The following TPO variants were observed in gnomAD, a reference collection of about 807,000 sequenced individuals.
TPO encodes the protein thyroid peroxidase, also known as thyroid microsomal antigen.
A neutral mutation model predicts 96.9 loss-of-function variants in TPO; 78 were observed. The observed-to-expected ratio is 0.81, with a 90% CI of 0.67 to 0.97. The LOEUF is 0.97. Ranked by LOEUF, TPO falls within the 50% of genes least tolerant of loss-of-function variation. The pLI, the probability that TPO is intolerant of heterozygous loss-of-function variation, is 0.00. For missense variants in TPO, 1,252 were observed against 1,274.8 expected (o/e 0.98, Z 0.27); for synonymous variants, 547 against 538.0 (o/e 1.02, Z -0.23).
intron 1 of TPO, among the ~76,000 whole-genome samples, chr2:1,386,037 T>G (rs1249315069): frequency 3.3e-5 from 5 of 152,238 alleles, no homozygotes; most frequent in Admixed American, 6.5e-5. Flanking sequence ...GTGAGTTTCT[T>G]AATCCTGAGT....
At chr2:1,439,190 C>A in intron 5 of TPO, 1 of 254,054 alleles carries the variant, frequency 3.9e-6, no homozygotes, top group Admixed American at 4.9e-5. Flanking sequence ...GGGCGGGCTC[C>A]ACTGACGCTC....
intron 1 of TPO, among the ~76,000 whole-genome samples, chr2:1,389,014 G>C (rs991909435): frequency 1.3e-5 from 2 of 152,168 alleles, no homozygotes; most frequent in Admixed American, 6.5e-5. Flanking sequence ...CAATTAAGAA[G>C]TTTTTTTGTG....
intron 15 of TPO, among the ~76,000 whole-genome samples, chr2:1,538,022 A>ACCT (rs1213670214): frequency 1.9e-3 from 91 of 47,812 alleles, no homozygotes; most frequent in African/African-American, 8.2e-3. Flanking sequence ...ACTGTGTGCC[A>ACCT]CCTCAAGTCC....
intron 11 of TPO, 45 bp from the exon 12 acceptor site, chr2:1,495,944 G>A: frequency 1.9e-6 from 3 of 1,591,314 alleles, no homozygotes; most frequent in Non-Finnish European, 2.6e-6. Context: ...TGCCCTGGGG[G>A]TTCTCCATGC....
intron 1 of TPO, among the ~76,000 whole-genome samples, chr2:1,379,421 G>A (rs1661773852): frequency 6.6e-6 from 1 of 152,122 alleles, no homozygotes; most frequent in Non-Finnish European, 1.5e-5. Context: ...CAGGGCTGGA[G>A]CAATCCCTAA....
chr2:1,540,480 T>A, intron 15 of TPO, 114 bp from the exon 16 acceptor site: 1 of 1,595,392 alleles, frequency 6.3e-7, no homozygotes. Context: ...TGGGTTGGAG[T>A]GTTCCTGCCA....
chr2:1,492,860 C>T (rs1671905224), intron 10 of TPO, among the ~76,000 whole-genome samples: 1 of 152,110 alleles, frequency 6.6e-6, no homozygotes, highest in Admixed American at 6.5e-5. Context: ...CCCTGGGCGG[C>T]GCTCTGATCA....
rs200544345 is a variant in TPO at position 1,540,760 on chromosome 2, C to T, written c.2748+37C>T. ...CATGCCGCATGTTTCCAGCTGCCAC[C>T]GCAGTGGTTGGACAGGATCTGGGTG... On this transcript the variant is annotated intron_variant, in intron 16 of 16. Transcript: ENST00000329066. 156 of 1,613,212 alleles carry T rather than the reference C, an allele frequency of 9.7e-5. 1 individual carries two copies. Among genetic ancestry groups the T allele is most frequent in the East Asian group, 5.3e-4 (24 of 44,878 alleles).
rs1470584398 is a variant in TPO, at chr2:1,380,219, C to T, written n.180+5817C>T. Among the ~76,000 whole-genome samples, 3 of 151,654 alleles carry T rather than the reference C, an allele frequency of 2.0e-5. No homozygotes were observed. In the East Asian group the frequency reaches 5.8e-4, roughly 29 times the overall value. ...ACCATCCTGGCTAATACGGTGAAAC[C>T]CCGTCTCTACTAAAAATACAAAAAA... On this transcript the variant is annotated intron_variant and non_coding_transcript_variant, in intron 1 of 5. Transcript: ENST00000497517.
rs1680653724 is a variant in TPO at position 1,540,732 on chromosome 2, C to T, written c.2748+9C>T. 1 of 1,613,160 alleles carries T rather than the reference C, an allele frequency of 6.2e-7. No individual in the cohort carries two copies. Among genetic ancestry groups the T allele is most frequent in the Non-Finnish European group, 8.5e-7 (1 of 1,180,024 alleles). Reference sequence around the variant, plus strand: ...CTCAGGACTCGGAGCAGGTGGGCCACACCATGCCGCATGTTTCCAGCTGCC... The same window carrying T: ...CTCAGGACTCGGAGCAGGTGGGCCATACCATGCCGCATGTTTCCAGCTGCC... On this transcript the variant is annotated intron_variant, in intron 16 of 16. Coordinates refer to ENST00000329066, the MANE Select transcript of TPO (RefSeq NM_001206744.2).
intron 15 of TPO, among the ~76,000 whole-genome samples, chr2:1,537,027 C>T (rs1679859414): frequency 9.0e-6 from 1 of 111,210 alleles, no homozygotes; most frequent in African/African-American, 3.4e-5. Flanking sequence ...GCAACGTCCT[C>T]AAATACCCCC....
chr2:1,472,506 T>C (rs1669517750), intron 7 of TPO, among the ~76,000 whole-genome samples: 1 of 152,208 alleles, frequency 6.6e-6, no homozygotes, highest in African/African-American at 2.4e-5. Flanking sequence ...GTTCTGTATC[T>C]TGGATTCTCA....
intron 15 of TPO, among the ~76,000 whole-genome samples, chr2:1,517,824 C>T (rs1298414097): frequency 6.6e-6 from 1 of 152,224 alleles, no homozygotes; most frequent in Non-Finnish European, 1.5e-5. Flanking sequence ...TTAAAAATAA[C>T]AGCAAACACT....
chr2:1,390,741 A>G (rs1005720651), intron 1 of TPO, among the ~76,000 whole-genome samples: 24 of 152,118 alleles, frequency 1.6e-4, no homozygotes, highest in African/African-American at 3.6e-4. Flanking sequence ...ATGAGATGGT[A>G]TTTCATTGTG....
intron 14 of TPO, among the ~76,000 whole-genome samples, chr2:1,509,305 C>G (rs916436422): frequency 2.6e-5 from 4 of 152,038 alleles, no homozygotes; most frequent in African/African-American, 9.7e-5. Flanking sequence ...ACCCCCACTC[C>G]TGTGTCAGGC....
chr2:1,457,680 TAGTG>T (rs1424712977), intron 7 of TPO, among the ~76,000 whole-genome samples: 4 of 151,794 alleles, frequency 2.6e-5, no homozygotes, highest in South Asian at 2.1e-4. Context: ...GCATATATGA[TAGTG>T]TGTGGGCAGA....
chr2:1,477,342 C>T lies in TPO; in HGVS notation c.1076C>T (p.Ser359Phe), dbSNP rs755259412. The change falls in exon 8 of 17, where the codon TCC (serine) becomes TTC (phenylalanine). Residue 359 changes from serine (S) to phenylalanine (F), a missense_variant. Transcript: ENST00000329066. ...LLRVHARLRDSGRAYLPFVPP... is the reference protein window; with the variant it reads ...LLRVHARLRDFGRAYLPFVPP... ...CGCGTCCACGCGCGCCTCCGGGACT[C>T]CGGCCGCGCCTACCTGCCCTTCGTG... 1.3e-6 allele frequency: 2 copies of T among 1,554,926 alleles called. No homozygotes were observed. Among genetic ancestry groups the T allele is most frequent in the South Asian group, 2.4e-5 (2 of 84,840 alleles).
At chr2:1,380,326 A>G (rs936084976) in intron 1 of TPO, among the ~76,000 whole-genome samples, 51 of 151,026 alleles carry the variant, frequency 3.4e-4, no homozygotes, top group Middle Eastern at 3.4e-3. Context: ...CCCGGGAGGC[A>G]GAGCTTGGAG....
chr2:1,526,205 A>T (rs71440666), intron 15 of TPO, among the ~76,000 whole-genome samples: 2 of 67,534 alleles, frequency 3.0e-5, no homozygotes, highest in South Asian at 1.3e-3. Flanking sequence ...CACTGTGTGC[A>T]ACCTCCTCAA....
Sources: allele counts gnomAD v4.1 joint callset (sites outside exome capture counted in the v4.1 genomes callset), GRCh38; gene constraint gnomAD v4.1.1; transcripts MANE v1.5; gene names NCBI Gene and HGNC (gene_info 2026-07-23, HGNC 2026-07-21).